NEGR1: variants seen among roughly 807,000 people sequenced by gnomAD.
NEGR1 encodes the protein IgLON family member 4.
A neutral mutation model predicts 40.9 loss-of-function variants in NEGR1; 10 were observed. The observed-to-expected ratio is 0.24, with a 90% CI of 0.15 to 0.42. NEGR1 has a LOEUF of 0.42. Among genes scored for constraint, NEGR1 ranks in the 10% least tolerant of loss-of-function variants. NEGR1 has a pLI of 1.00. For synonymous variants in NEGR1, 185 were observed against 166.8 expected, an observed-to-expected ratio of 1.11 and a Z score of -0.84; for missense variants, 352 against 438.9, an observed-to-expected ratio of 0.80 and a Z score of 1.77.
rs114477146 is a variant in NEGR1 at position 71,510,728 on chromosome 1, C to T, written c.940+82089G>A. Reference sequence around the variant, plus strand: ...GACTTGCGTTCTAGGAGATAAATTACCTGCTGTATCTGCTCCAGGTGTGCC... The same window carrying T: ...GACTTGCGTTCTAGGAGATAAATTATCTGCTGTATCTGCTCCAGGTGTGCC... On this transcript the variant is annotated intron_variant, in intron 6 of 6. Coordinates refer to ENST00000357731, the MANE Select transcript of NEGR1 (RefSeq NM_173808.3). Among the ~76,000 whole-genome samples the T allele has an allele frequency of 4.0e-3, 608 of 152,276 alleles. 3 individuals carry two copies. The highest frequency in any genetic ancestry group is 0.02 in the Middle Eastern group (6 of 294).
intron 1 of NEGR1, among the ~76,000 whole-genome samples, chr1:72,162,513 G>A (rs1385232174): frequency 6.6e-6 from 1 of 151,794 alleles, no homozygotes; most frequent in Non-Finnish European, 1.5e-5. Flanking sequence ...AAATAAAACA[G>A]GAAGACTTAC....
chr1:71,911,750 T>C (rs913222473), intron 2 of NEGR1, among the ~76,000 whole-genome samples: 1 of 152,170 alleles, frequency 6.6e-6, no homozygotes, highest in South Asian at 2.1e-4. Context: ...AAAGGGCTGT[T>C]GTGTCAAGAA....
At chr1:71,487,298 G>A (rs548155473) in intron 6 of NEGR1, among the ~76,000 whole-genome samples, 37 of 151,392 alleles carry the variant, frequency 2.4e-4, no homozygotes, top group Non-Finnish European at 4.1e-4. Flanking sequence ...ACTATTGAGC[G>A]GCTACTTTCT....
intron 4 of NEGR1, among the ~76,000 whole-genome samples, chr1:71,634,539 T>G (rs113649994): frequency 0.015 from 2,286 of 152,248 alleles, 49 homozygotes; most frequent in African/African-American, 0.052. Flanking sequence ...GCCAGATCCT[T>G]TTCATCAAAG....
chr1:72,112,524 T>C (rs545939644), intron 1 of NEGR1, among the ~76,000 whole-genome samples: 1 of 151,930 alleles, frequency 6.6e-6, no homozygotes, highest in East Asian at 1.9e-4. Context: ...TTGACTAATA[T>C]TATGATACAT....
At chr1:72,081,787 C>T (rs939869790) in intron 1 of NEGR1, among the ~76,000 whole-genome samples, 1 of 152,068 alleles carries the variant, frequency 6.6e-6, no homozygotes, top group Non-Finnish European at 1.5e-5. Flanking sequence ...CGCTTGATTC[C>T]TATCCTACTG....
At position 71,631,469 on chromosome 1, in the gene NEGR1, C is replaced by A. The variant is rs191329161; in HGVS notation, c.668-20323G>T. ...TAGTTGTCATCTATCAACAAGAATT[C>A]TCTTCCCATCTGGCATAATGCATTT... is the stretch of plus-strand genomic sequence containing the variant. On this transcript the variant is annotated intron_variant, in intron 4 of 6. Transcript: ENST00000357731. 2.6e-3 allele frequency among the ~76,000 whole-genome samples: 390 copies of A among 151,916 alleles called. 1 individual carries two copies. The highest frequency in any genetic ancestry group is 8.2e-3 in the African/African-American group (341 of 41,544).
intron 6 of NEGR1, among the ~76,000 whole-genome samples, chr1:71,416,372 T>C (rs1175091617): frequency 5.9e-5 from 9 of 152,154 alleles, no homozygotes; most frequent in African/African-American, 2.2e-4. Flanking sequence ...TTCTGGAGTC[T>C]GCAACATCGT....
intron 6 of NEGR1, among the ~76,000 whole-genome samples, chr1:71,460,743 G>A (rs1646708812): frequency 6.6e-6 from 1 of 152,150 alleles, no homozygotes; most frequent in Non-Finnish European, 1.5e-5. Context: ...TCTGGAGAAA[G>A]ATGTCAGAAG....
At chr1:71,443,352 C>G (rs552190602) in intron 6 of NEGR1, among the ~76,000 whole-genome samples, 1 of 152,278 alleles carries the variant, frequency 6.6e-6, no homozygotes, top group Non-Finnish European at 1.5e-5. Flanking sequence ...GCCATTATTT[C>G]CTGTATTACT....
intron 1 of NEGR1, among the ~76,000 whole-genome samples, chr1:72,163,298 C>T (rs994849586): frequency 1.3e-5 from 2 of 152,072 alleles, no homozygotes; most frequent in African/African-American, 4.8e-5. Flanking sequence ...ACCTATACCT[C>T]CAGAGTCTAT....
intron 5 of NEGR1, among the ~76,000 whole-genome samples, chr1:71,605,014 T>C (rs1650033765): frequency 6.6e-6 from 1 of 152,130 alleles, no homozygotes; most frequent in Non-Finnish European, 1.5e-5. Context: ...TTGGAGTAAT[T>C]TATGTTTACC....
chr1:72,174,090 T>A (rs1652071844), intron 1 of NEGR1, among the ~76,000 whole-genome samples: 1 of 152,180 alleles, frequency 6.6e-6, no homozygotes, highest in Non-Finnish European at 1.5e-5. Flanking sequence ...TTTGTTTTTT[T>A]TAAAAAAACT....
At chr1:71,434,960 G>A (rs910730634) in intron 6 of NEGR1, among the ~76,000 whole-genome samples, 1 of 151,874 alleles carries the variant, frequency 6.6e-6, no homozygotes, top group Admixed American at 6.5e-5. Flanking sequence ...GCATAGTGGC[G>A]GGCGCCTGTA....
intron 6 of NEGR1, among the ~76,000 whole-genome samples, chr1:71,567,685 T>G (rs1648662311): frequency 6.6e-6 from 1 of 152,200 alleles, no homozygotes; most frequent in African/African-American, 2.4e-5. Flanking sequence ...CAATAAAGTA[T>G]ATCAGTGCAA....
At chr1:72,040,829 C>T (rs1348339908) in intron 1 of NEGR1, among the ~76,000 whole-genome samples, 2 of 151,708 alleles carry the variant, frequency 1.3e-5, no homozygotes, top group East Asian at 3.9e-4. Context: ...AAAATTAAAT[C>T]CAATTCAAAT....
At chr1:71,886,258 T>C (rs1481124605) in intron 2 of NEGR1, among the ~76,000 whole-genome samples, 1 of 152,184 alleles carries the variant, frequency 6.6e-6, no homozygotes, top group African/African-American at 2.4e-5. Flanking sequence ...TTATTAGTTG[T>C]TCCCTAATAA....
At chr1:72,023,598 G>C (rs1184595759) in intron 1 of NEGR1, among the ~76,000 whole-genome samples, 1 of 150,464 alleles carries the variant, frequency 6.6e-6, no homozygotes, top group Non-Finnish European at 1.5e-5. Context: ...GATTTTTAAA[G>C]TTAATATAAT....
chr1:71,814,863 T>C (rs911166038), intron 2 of NEGR1, among the ~76,000 whole-genome samples: 1 of 152,114 alleles, frequency 6.6e-6, no homozygotes, highest in African/African-American at 2.4e-5. Flanking sequence ...AACTAGCTCC[T>C]GGCTTCATTG....
Sources: gnomAD v4.1 joint callset for allele counts (sites outside exome capture counted in the v4.1 genomes callset) on GRCh38, gnomAD v4.1.1 for gene constraint, MANE v1.5 for transcripts, NCBI Gene and HGNC (gene_info 2026-07-23, HGNC 2026-07-21) for gene names.